Variants in JPH4 observed in about 807,000 individuals in gnomAD.
JPH4 encodes junctophilin-4.
Under a neutral mutation model 57.6 loss-of-function variants are expected in JPH4, and 18 were observed. That is an observed-to-expected ratio of 0.31 (90% CI 0.22 to 0.46). JPH4 has a LOEUF of 0.46. Among genes scored for constraint, JPH4 ranks in the 20% least tolerant of loss-of-function variants. The pLI is 1.00. For synonymous variants in JPH4, 425 were observed against 406.6 expected (o/e 1.05, Z -0.54); for missense variants, 727 against 911.1 (o/e 0.80, Z 2.60).
chr14:23,577,370 G>A lies in JPH4; in HGVS notation c.84C>T (p.Gly28=). The part of the protein sequence containing the change: ...GWEAGRAHGY[G]VCTGPGAQGE... Reference sequence around the variant, plus strand: ...CCTGGGCGCCGGGGCCCGTGCACACGCCGTAGCCATGTGCCCGCCCCGCCT... The same window carrying A: ...CCTGGGCGCCGGGGCCCGTGCACACACCGTAGCCATGTGCCCGCCCCGCCT... Residue 28 remains glycine, a synonymous_variant, in exon 2 of 6, where the codon GGC becomes GGT. Coordinates refer to ENST00000356300, the MANE Select transcript of JPH4 (RefSeq NM_001146028.2). The surrounding 1 kb of genome is among the most constrained non-coding windows in gnomAD (Gnocchi z 8.4). 6.6e-7 allele frequency: 1 copy of A among 1,505,154 alleles called. No individual in the cohort carries two copies. The highest frequency in any genetic ancestry group is 8.9e-7 in the Non-Finnish European group (1 of 1,128,974). The allele number at this position is 1,505,154 out of a possible 1,614,324, so 93.2% of individuals were successfully genotyped here. A position where few individuals can be genotyped will look rare whatever the true frequency, so the allele number is the denominator to read the frequency against.
chr14:23,571,464 G>A lies in JPH4; in HGVS notation c.1271-4C>T. ...GAGTCCTGCCTGGGTCTGCGGCCTG[G>A]GTAGGGATAGCTGAGAATCAGAGGG... On this transcript the variant is annotated splice_region_variant and splice_polypyrimidine_tract_variant and intron_variant, in intron 4 of 5. Transcript: ENST00000356300. The surrounding 1 kb of genome is among the most constrained non-coding windows in gnomAD (Gnocchi z 4.6). The A allele has an allele frequency of 6.3e-7, 1 of 1,597,946 alleles. No individual in the cohort carries two copies. Among genetic ancestry groups the A allele is most frequent in the Non-Finnish European group, 8.5e-7 (1 of 1,179,136 alleles).
At chr14:23,572,132 G>A (rs753959353) in intron 3 of JPH4, among the ~76,000 whole-genome samples, 2 of 152,054 alleles carry the variant, frequency 1.3e-5, no homozygotes, top group Non-Finnish European at 2.9e-5. Flanking sequence ...CCTGGGCTGT[G>A]TTTGCCACCA....
Position 23,575,570 on chromosome 14 carries a change from C to A in JPH4, c.1151+115G>T. 1 of 1,372,860 alleles carries A rather than the reference C, an allele frequency of 7.3e-7. No homozygotes were observed. The highest frequency in any genetic ancestry group is 9.9e-7 in the Non-Finnish European group (1 of 1,011,340). The allele number at this position is 1,372,860 out of a possible 1,614,324, so 85.0% of individuals were successfully genotyped here. ...GTCCAACTGCCTGGCCTTAGGCTTG[C>A]AATAGCAGGCCCTAGGCCTTGGGCC... On this transcript the variant is annotated intron_variant, in intron 3 of 5. Transcript: ENST00000356300. The surrounding 1 kb of genome is among the most constrained non-coding windows in gnomAD (Gnocchi z 6.9).
In JPH4 at chr14:23,571,949, A is replaced by G. The variant is rs1383104034; in HGVS notation, c.1152-29T>C. The G allele has an allele frequency of 3.1e-6, 5 of 1,597,286 alleles. No homozygotes were observed. The highest frequency in any genetic ancestry group is 4.3e-6 in the Non-Finnish European group (5 of 1,170,800). On this transcript the variant is annotated intron_variant, in intron 3 of 5. Coordinates refer to ENST00000356300, the MANE Select transcript of JPH4 (RefSeq NM_001146028.2). This position sits in a 1 kb window ranked among gnomAD's most constrained non-coding sequence, Gnocchi z 4.6. ...TCGGGTCCAGAGACAGGGATTTAGC[A>G]GAACTTCCCCCACTTCAAGTTAGTC...
At position 23,577,038 on chromosome 14, in the gene JPH4, GACGAGCAGACAGAC is replaced by G; in HGVS notation, c.379+23_379+36del. ...CCCAAGGCTGGGGAAGGCGCACGCG[GACGAGCAGACAGAC>G]ACTGGTGGGCCGGGCCCCGCACCTC... On this transcript the variant is annotated intron_variant, in intron 2 of 5. Transcript: ENST00000356300. This position sits in a 1 kb window ranked among gnomAD's most constrained non-coding sequence, Gnocchi z 8.4. The G allele has an allele frequency of 6.8e-7, 1 of 1,469,344 alleles. No individual in the cohort carries two copies. The highest frequency in any genetic ancestry group is 9.0e-7 in the Non-Finnish European group (1 of 1,114,866). The allele number at this position is 1,469,344 out of a possible 1,614,324, so 91.0% of individuals were successfully genotyped here.
rs1555363496 is a variant in JPH4 at position 23,575,584 on chromosome 14, A to AGGCCTTG, written c.1151+94_1151+100dup. The AGGCCTTG allele has an allele frequency of 3.4e-6, 5 of 1,465,086 alleles. No individual in the cohort carries two copies. The highest frequency in any genetic ancestry group is 2.0e-5 in the Admixed American group (1 of 49,818). The allele number at this position is 1,465,086 out of a possible 1,614,324, so 90.8% of individuals were successfully genotyped here. The stretch of plus-strand genomic sequence containing the variant: ...CCTTAGGCTTGCAATAGCAGGCCCT[A>AGGCCTTG]GGCCTTGGGCCTTGGGCCTCCCTTA... On this transcript the variant is annotated intron_variant, in intron 3 of 5. Coordinates refer to ENST00000356300, the MANE Select transcript of JPH4 (RefSeq NM_001146028.2). The surrounding 1 kb of genome is among the most constrained non-coding windows in gnomAD (Gnocchi z 6.9).
At position 23,571,173 on chromosome 14, in the gene JPH4, T is replaced by A. The variant is rs1225533352; in HGVS notation, c.1558A>T (p.Met520Leu). The change falls in exon 5 of 6, where the codon ATG becomes TTG. Residue 520 changes from methionine (M) to leucine (L), a missense_variant. Around this residue, in one of 7 missense-constraint regions of JPH4, gnomAD observed 293 missense variants for 279.8 expected, o/e 1.05. Coordinates refer to ENST00000356300, the MANE Select transcript of JPH4 (RefSeq NM_001146028.2). The surrounding 1 kb of genome is among the most constrained non-coding windows in gnomAD (Gnocchi z 4.6). Reference protein sequence around the residue: ...AGYEAEDEAGMQGPGPRDGSP... With the variant: ...AGYEAEDEAGLQGPGPRDGSP... ...CCGTCTCTGGGCCCTGGCCCTTGCA[T>A]CCCAGCCTCATCCTCAGCCTCATAG... The A allele has an allele frequency of 1.2e-6, 2 of 1,614,012 alleles. No individual in the cohort carries two copies. The highest frequency in any genetic ancestry group is 1.7e-6 in the Non-Finnish European group (2 of 1,179,972).
intron 3 of JPH4, chr14:23,572,701 G>C (rs1889181056): frequency 3.4e-6 from 2 of 585,176 alleles, no homozygotes; most frequent in Non-Finnish European, 6.1e-6. Context: ...CTCTGGAACT[G>C]GAATGAGAGT....
Position 23,576,458 on chromosome 14 carries a change from T to C in JPH4, c.380-2A>G. The stretch of plus-strand genomic sequence containing the variant: ...CCTGCCACTGGCCCTGGTAGGTGCC[T>C]GCGGGCGGCGGAGGGGTGGGAGAAA... On this transcript the variant is annotated splice_acceptor_variant, in intron 2 of 5. Coordinates refer to ENST00000356300, the MANE Select transcript of JPH4 (RefSeq NM_001146028.2). LOFTEE classifies it high-confidence loss of function. The surrounding 1 kb of genome is among the most constrained non-coding windows in gnomAD (Gnocchi z 8.0). 2 of 1,412,642 alleles carry C rather than the reference T, an allele frequency of 1.4e-6. No individual in the cohort carries two copies. The highest frequency in any genetic ancestry group is 1.8e-6 in the Non-Finnish European group (2 of 1,091,278). 87.5% of individuals were successfully genotyped at this position (1,412,642 alleles called of 1,614,324 possible).
Position 23,576,937 on chromosome 14 carries a change from G to A in JPH4, c.379+138C>T, listed in dbSNP as rs972517713. 3.9e-6 allele frequency: 4 copies of A among 1,034,796 alleles called. No homozygotes were observed. Among genetic ancestry groups the A allele is most frequent in the Non-Finnish European group, 4.0e-6 (3 of 753,134 alleles). The allele number at this position is 1,034,796 out of a possible 1,614,324, so 64.1% of individuals were successfully genotyped here. ...TGGTGGGAGAGAGCAGAAATTGGGGGCTGGGGGTCACATCGATGGGGAATG... is the reference window on the plus strand; with the variant it reads ...TGGTGGGAGAGAGCAGAAATTGGGGACTGGGGGTCACATCGATGGGGAATG... On this transcript the variant is annotated intron_variant, in intron 2 of 5. Coordinates refer to ENST00000356300, the MANE Select transcript of JPH4 (RefSeq NM_001146028.2). The surrounding 1 kb of genome is among the most constrained non-coding windows in gnomAD (Gnocchi z 8.0).
intron 3 of JPH4, chr14:23,572,745 C>T (rs1889182028): frequency 4.8e-6 from 3 of 622,974 alleles, no homozygotes; most frequent in Non-Finnish European, 8.7e-6. Context: ...CCCATCCCCT[C>T]TCCCTACTAA....
At position 23,573,937 on chromosome 14, in the gene JPH4, AACAC is replaced by A. The variant is rs35127620; in HGVS notation, c.1151+1744_1151+1747del. 3.4e-3 allele frequency among the ~76,000 whole-genome samples: 481 copies of A among 143,120 alleles called. 1 individual carries two copies. The highest frequency in any genetic ancestry group is 0.011 in the Middle Eastern group (3 of 268). 93.9% of individuals were successfully genotyped at this position (143,120 alleles called of 152,430 possible). On this transcript the variant is annotated intron_variant, in intron 3 of 5. Coordinates refer to ENST00000356300, the MANE Select transcript of JPH4 (RefSeq NM_001146028.2). ...GTTTATATTCTTTCTCTCTCTCTGT[AACAC>A]ACACACACACACACACACACACACA...
At chr14:23,573,680 TTGCCAGGCC>T (rs1267442554) in intron 3 of JPH4, among the ~76,000 whole-genome samples, 2 of 152,136 alleles carry the variant, frequency 1.3e-5, no homozygotes, top group Non-Finnish European at 2.9e-5. Context: ...CCAGTCGGGA[TTGCCAGGCC>T]TGTTGCTGGG....
chr14:23,569,046 G>A lies in JPH4; in HGVS notation c.*588C>T, dbSNP rs988911623. On this transcript the variant is annotated 3_prime_UTR_variant, in exon 6 of 6. Transcript: ENST00000356300. The surrounding 1 kb of genome is among the most constrained non-coding windows in gnomAD (Gnocchi z 4.8). Reference sequence around the variant, plus strand: ...GAATTGGGCAGTAACCCAGCTCAGTGCTTGGAGGTAAGATAATAGCCTCCA... The same window carrying A: ...GAATTGGGCAGTAACCCAGCTCAGTACTTGGAGGTAAGATAATAGCCTCCA... 6.3e-6 allele frequency: 1 copy of A among 158,752 alleles called. No individual in the cohort carries two copies. Among genetic ancestry groups the A allele is most frequent in the African/African-American group, 2.4e-5 (1 of 41,472 alleles). The allele number at this position is 158,752 out of a possible 1,614,324, so 9.8% of individuals were successfully genotyped here. A position where few individuals can be genotyped will look rare whatever the true frequency, so the allele number is the denominator to read the frequency against.
intron 3 of JPH4, among the ~76,000 whole-genome samples, chr14:23,573,256 G>A (rs1476245387): frequency 2.6e-5 from 4 of 152,196 alleles, no homozygotes; most frequent in Non-Finnish European, 4.4e-5. Context: ...GATCTTTAGA[G>A]CCTATTTGGA....
rs1055344288 is a variant in JPH4, at chr14:23,575,843, C to T, written c.993G>A (p.Lys331=). 1.9e-6 allele frequency: 3 copies of T among 1,587,698 alleles called. No homozygotes were observed. The highest frequency in any genetic ancestry group is 1.7e-5 in the Admixed American group (1 of 57,362). Residue 331 remains lysine, a synonymous_variant, in exon 3 of 6, where the codon AAG becomes AAA. Coordinates refer to ENST00000356300, the MANE Select transcript of JPH4 (RefSeq NM_001146028.2). The surrounding 1 kb of genome is among the most constrained non-coding windows in gnomAD (Gnocchi z 6.9). ...CGTGCACCAGCCGGTTGCGCTTGTA[C>T]TTGCCCTCCTCGCGGGAGCCGTCGG... ...TRPDGSREEG[K]YKRNRLVHGG...
chr14:23,575,544 G>A lies in JPH4; in HGVS notation c.1151+141C>T, dbSNP rs1889249034. 2 of 1,060,230 alleles carry A rather than the reference G, an allele frequency of 1.9e-6. No homozygotes were observed. Among genetic ancestry groups the A allele is most frequent in the African/African-American group, 1.6e-5 (1 of 62,718 alleles). The allele number at this position is 1,060,230 out of a possible 1,614,324, so 65.7% of individuals were successfully genotyped here. A position where few individuals can be genotyped will look rare whatever the true frequency, so the allele number is the denominator to read the frequency against. ...GATATAAACACCAAGAATGCCCAGG[G>A]GTCCAACTGCCTGGCCTTAGGCTTG... On this transcript the variant is annotated intron_variant, in intron 3 of 5. Transcript: ENST00000356300. The surrounding 1 kb of genome is among the most constrained non-coding windows in gnomAD (Gnocchi z 6.9).
At position 23,578,187 on chromosome 14, in the gene JPH4, G is replaced by T; in HGVS notation, c.-179C>A. ...AGGGGGCAGGCTACTCACCATGTGG[G>T]CTGGGGCTCAGGCTGCCTCCCCGGC... On this transcript the variant is annotated 5_prime_UTR_variant, in exon 1 of 6. Transcript: ENST00000356300. 6.6e-6 allele frequency: 1 copy of T among 152,410 alleles called. No individual in the cohort carries two copies. The highest frequency in any genetic ancestry group is 1.5e-5 in the Non-Finnish European group (1 of 68,442). 9.4% of individuals were successfully genotyped at this position (152,410 alleles called of 1,614,324 possible).
rs536248682 is a variant in JPH4 at position 23,571,783 on chromosome 14, C to A, written c.1270+19G>T. On this transcript the variant is annotated intron_variant, in intron 4 of 5. Coordinates refer to ENST00000356300, the MANE Select transcript of JPH4 (RefSeq NM_001146028.2). This position sits in a 1 kb window ranked among gnomAD's most constrained non-coding sequence, Gnocchi z 4.6. ...CCCTAGGGGCCTCACTGCCCTCCCC[C>A]CAGCTGTCCATGCCTCACCTGGGGC... The A allele has an allele frequency of 4.7e-5, 76 of 1,606,266 alleles. No individual in the cohort carries two copies. Among genetic ancestry groups the A allele is most frequent in the Non-Finnish European group, 5.9e-5 (69 of 1,175,644 alleles).
Sources: allele counts gnomAD v4.1 joint callset (sites outside exome capture counted in the v4.1 genomes callset), GRCh38; gene constraint gnomAD v4.1.1; regional missense constraint gnomAD v4.1.1; non-coding constraint Gnocchi (gnomAD v3.1); transcripts MANE v1.5; gene names NCBI Gene and HGNC (gene_info 2026-07-23, HGNC 2026-07-21).